Variants in MAST4 observed in about 807,000 individuals in gnomAD.
MAST4 encodes the protein microtubule-associated serine/threonine-protein kinase 4.
Under a neutral mutation model 162.7 loss-of-function variants are expected in MAST4, and 89 were observed. The ratio of observed to expected loss-of-function variants is 0.55; its 90% CI spans 0.46 to 0.65. MAST4 has a LOEUF of 0.65. Ranked by LOEUF, MAST4 falls within the 30% of genes least tolerant of loss-of-function variation. MAST4 has a pLI of 0.00. For missense variants in MAST4, 3,153 were observed against 3,374.0 expected (o/e 0.93, Z 1.62); for synonymous variants, 1,479 against 1,361.1 (o/e 1.09, Z -1.91).
chr5:67,071,888 G>A (rs981593070), intron 5 of MAST4, among the ~76,000 whole-genome samples: 1 of 152,118 alleles, frequency 6.6e-6, no homozygotes, highest in Admixed American at 6.5e-5. Flanking sequence ...TTAAAATGTA[G>A]TATAAATGAT....
At chr5:66,791,710 G>A (rs769664347) in intron 3 of MAST4, among the ~76,000 whole-genome samples, 1 of 152,128 alleles carries the variant, frequency 6.6e-6, no homozygotes, top group Non-Finnish European at 1.5e-5. Context: ...GGGCACAGAA[G>A]CCAGAATGTG....
chr5:66,952,648 A>G (rs953233361), intron 4 of MAST4, among the ~76,000 whole-genome samples: 1 of 152,140 alleles, frequency 6.6e-6, no homozygotes, highest in African/African-American at 2.4e-5. Flanking sequence ...TATAATTCTC[A>G]CTAAAGATTT....
At chr5:67,084,009 A>G (rs1048942557) in intron 5 of MAST4, among the ~76,000 whole-genome samples, 1 of 152,204 alleles carries the variant, frequency 6.6e-6, no homozygotes. Context: ...AACATTCTCA[A>G]GAACCCATTT....
At chr5:67,000,780 A>G (rs1280648154) in intron 4 of MAST4, among the ~76,000 whole-genome samples, 1 of 151,846 alleles carries the variant, frequency 6.6e-6, no homozygotes, top group African/African-American at 2.4e-5. Context: ...TTGTGTCAAC[A>G]GGTGGGCAGT....
At chr5:67,048,678 G>T (rs1304902507) in intron 4 of MAST4, among the ~76,000 whole-genome samples, 1 of 151,910 alleles carries the variant, frequency 6.6e-6, no homozygotes, top group African/African-American at 2.4e-5. Context: ...ATCTTCACCA[G>T]ATAAAATTCA....
At chr5:67,130,489 G>T in intron 15 of MAST4, 71 bp downstream of exon 15, 2 of 1,494,752 alleles carry the variant, frequency 1.3e-6, no homozygotes, top group Non-Finnish European at 1.8e-6. Context: ...GAAGCTGTCT[G>T]TATTTGTGCC....
chr5:67,012,863 G>A (rs943283916), intron 4 of MAST4, among the ~76,000 whole-genome samples: 1 of 152,190 alleles, frequency 6.6e-6, no homozygotes, highest in African/African-American at 2.4e-5. Flanking sequence ...TATTGGACAT[G>A]CCTATTTGAG....
chr5:66,735,476 T>C (rs3111625), intron 1 of MAST4, among the ~76,000 whole-genome samples: 20,022 of 152,206 alleles, frequency 0.13, 1,388 homozygotes, highest in East Asian at 0.27. Flanking sequence ...AAGGTGGTGT[T>C]TTCAACTACT....
intron 1 of MAST4, among the ~76,000 whole-genome samples, chr5:66,710,847 TA>T (rs1306131169): frequency 6.6e-6 from 1 of 152,202 alleles, no homozygotes; most frequent in East Asian, 1.9e-4. Flanking sequence ...ATGTAGCTTT[TA>T]AAAAAATTTG....
chr5:66,849,487 G>A (rs1160389824), intron 3 of MAST4, among the ~76,000 whole-genome samples: 1 of 151,178 alleles, frequency 6.6e-6, no homozygotes, highest in Non-Finnish European at 1.5e-5. Flanking sequence ...CTCTTCTCCT[G>A]TCCTTTTTCA....
intron 4 of MAST4, chr5:66,916,844 T>G: frequency 1.7e-6 from 1 of 589,496 alleles, no homozygotes; most frequent in Non-Finnish European, 3.1e-6. Flanking sequence ...TATACCACAT[T>G]TTATTTAACC....
intron 3 of MAST4, among the ~76,000 whole-genome samples, chr5:66,893,475 G>A (rs778798311): frequency 9.2e-5 from 14 of 151,924 alleles, no homozygotes; most frequent in Admixed American, 2.6e-4. Flanking sequence ...TGATCCACAC[G>A]TCTCGGCCTC....
At chr5:66,639,207 C>A (rs967214731) in intron 1 of MAST4, among the ~76,000 whole-genome samples, 1 of 150,958 alleles carries the variant, frequency 6.6e-6, no homozygotes, top group South Asian at 2.1e-4. Flanking sequence ...AGAATGATGT[C>A]ATGGGAACCA....
intron 2 of MAST4, among the ~76,000 whole-genome samples, chr5:66,760,610 C>T (rs2149613380): frequency 6.6e-6 from 1 of 152,232 alleles, no homozygotes; most frequent in South Asian, 2.1e-4. Flanking sequence ...TTAGATAGAC[C>T]TTATCAAGGG....
intron 3 of MAST4, among the ~76,000 whole-genome samples, chr5:66,813,286 G>A (rs1340237395): frequency 6.6e-6 from 1 of 152,174 alleles, no homozygotes; most frequent in South Asian, 2.1e-4. Flanking sequence ...GTTCACATTT[G>A]CTGATTCTGG....
chr5:67,103,805 A>G (rs1056731686), intron 9 of MAST4, among the ~76,000 whole-genome samples: 2 of 152,348 alleles, frequency 1.3e-5, no homozygotes, highest in Admixed American at 6.5e-5. Flanking sequence ...GTACAAAAAC[A>G]TAAAGAAATG....
At chr5:67,141,343 G>A (rs781718757) in intron 19 of MAST4, among the ~76,000 whole-genome samples, 7 of 152,064 alleles carry the variant, frequency 4.6e-5, no homozygotes. Flanking sequence ...GTGGCAGGGC[G>A]GGGATCTGAT....
intron 1 of MAST4, among the ~76,000 whole-genome samples, chr5:66,752,400 A>G (rs1580366511): frequency 6.7e-6 from 1 of 149,266 alleles, no homozygotes; most frequent in East Asian, 1.9e-4. Context: ...CAGGAAACCC[A>G]TCTCATGTGC....
intron 3 of MAST4, among the ~76,000 whole-genome samples, chr5:66,895,232 C>G (rs750626035): frequency 6.6e-6 from 1 of 152,184 alleles, no homozygotes; most frequent in Non-Finnish European, 1.5e-5. Context: ...CTGGGTATAG[C>G]AACAGGTCAG....
Sources: allele counts gnomAD v4.1 joint callset (sites outside exome capture counted in the v4.1 genomes callset), GRCh38; gene constraint gnomAD v4.1.1; transcripts MANE v1.5; gene names NCBI Gene and HGNC (gene_info 2026-07-23, HGNC 2026-07-21).